The following CEMIP2 variants were observed in gnomAD, a reference collection of about 807,000 sequenced individuals.
CEMIP2 encodes the protein cell migration inducing hyaluronidase 2, also known as cell surface hyaluronidase CEMIP2.
CEMIP2 carries 79 observed loss-of-function variants against 146.9 expected under a neutral mutation model. That is an observed-to-expected ratio of 0.54 (90% CI 0.45 to 0.65). The LOEUF (loss-of-function observed/expected upper bound fraction) is 0.65, where lower values mean the gene tolerates loss of function less well. Among genes scored for constraint, CEMIP2 ranks in the 30% least tolerant of loss-of-function variants. The pLI is 0.00. For missense variants in CEMIP2, 1,596 were observed against 1,696.2 expected, an observed-to-expected ratio of 0.94 and a Z score of 1.04; for synonymous variants, 601 against 606.3, an observed-to-expected ratio of 0.99 and a Z score of 0.13.
rs541735964 is a variant in CEMIP2 at position 71,765,190 on chromosome 9, C to T, written c.-13+3167G>A. Among the ~76,000 whole-genome samples the T allele has an allele frequency of 3.9e-5, 6 of 152,252 alleles. No homozygotes were observed. The South Asian group carries it at 1.0e-3, about 26-fold the overall frequency. On this transcript the variant is annotated intron_variant, in intron 1 of 23. Transcript: ENST00000377044. ...AGTAACTAGCTTAAAAGTCTAAAGACTTGCTCTCAAGATGGGATTCAGATC... is the reference window on the plus strand; with the variant it reads ...AGTAACTAGCTTAAAAGTCTAAAGATTTGCTCTCAAGATGGGATTCAGATC...
chr9:71,709,730 G>A (rs1314325267), intron 16 of CEMIP2, among the ~76,000 whole-genome samples: 1 of 152,108 alleles, frequency 6.6e-6, no homozygotes. Context: ...ATCGTTATTT[G>A]TATTCTTCTT....
chr9:71,717,670 C>G (rs952036864), intron 13 of CEMIP2, among the ~76,000 whole-genome samples: 1 of 152,142 alleles, frequency 6.6e-6, no homozygotes, highest in Non-Finnish European at 1.5e-5. Context: ...ATAGACCATG[C>G]TTGTTATATA....
chr9:71,730,334 T>C (rs1035458842), intron 8 of CEMIP2, 81 bp from the exon 9 acceptor site: 4 of 1,388,934 alleles, frequency 2.9e-6, no homozygotes, highest in African/African-American at 1.4e-5. Flanking sequence ...CAGTGTAGCA[T>C]GTTCAGTACA....
At chr9:71,730,424 T>C (rs1227323271) in intron 8 of CEMIP2, among the ~76,000 whole-genome samples, 171 bp from the exon 9 acceptor site, 1 of 152,114 alleles carries the variant, frequency 6.6e-6, no homozygotes, top group Non-Finnish European at 1.5e-5. Context: ...GGGGATAATC[T>C]GCTTGGGTCC....
At chr9:71,709,174 C>T in intron 17 of CEMIP2, 85 bp downstream of exon 17, 2 of 1,271,288 alleles carry the variant, frequency 1.6e-6, no homozygotes, top group Non-Finnish European at 2.3e-6. Flanking sequence ...GTCAATCACA[C>T]TGAAAAGCTG....
At chr9:71,704,000 A>G (rs772359558) in intron 18 of CEMIP2, among the ~76,000 whole-genome samples, 2 of 152,210 alleles carry the variant, frequency 1.3e-5, no homozygotes, top group Non-Finnish European at 2.9e-5. Flanking sequence ...TACTTCTCTC[A>G]TTCACCTTTA....
chr9:71,707,796 TCA>T (rs1822793777), intron 17 of CEMIP2, among the ~76,000 whole-genome samples: 1 of 152,222 alleles, frequency 6.6e-6, no homozygotes, highest in Non-Finnish European at 1.5e-5. Context: ...TTTAGGGCTA[TCA>T]CAGCCCAATT....
intron 17 of CEMIP2, among the ~76,000 whole-genome samples, chr9:71,705,688 GT>G (rs112877233): frequency 0.16 from 23,991 of 150,396 alleles, 2,674 homozygotes; most frequent in African/African-American, 0.31. Flanking sequence ...ACTATTGATT[GT>G]CTTCATTTAA....
rs75987028 is a variant in CEMIP2, at chr9:71,721,796, C to T, written c.2267+631G>A. ...TATGACTTTAAGTCACCATCTTTTCCAGAAAAGTTTATTTTCATCTGGGAC... is the reference window on the plus strand; with the variant it reads ...TATGACTTTAAGTCACCATCTTTTCTAGAAAAGTTTATTTTCATCTGGGAC... On this transcript the variant is annotated intron_variant, in intron 12 of 23. Coordinates refer to ENST00000377044, the MANE Select transcript of CEMIP2 (RefSeq NM_013390.3). 3.1e-3 allele frequency among the ~76,000 whole-genome samples: 468 copies of T among 152,252 alleles called. 1 individual carries two copies. The highest frequency in any genetic ancestry group is 0.011 in the African/African-American group (445 of 41,546).
chr9:71,719,606 T>C (rs1823171561), intron 12 of CEMIP2, among the ~76,000 whole-genome samples: 1 of 152,044 alleles, frequency 6.6e-6, no homozygotes, highest in Non-Finnish European at 1.5e-5. Flanking sequence ...CAGATGCATG[T>C]GTGGTATAAA....
At chr9:71,725,946 T>C (rs886345677) in intron 10 of CEMIP2, among the ~76,000 whole-genome samples, 1 of 152,176 alleles carries the variant, frequency 6.6e-6, no homozygotes, top group Non-Finnish European at 1.5e-5. Context: ...AGAGAAATAA[T>C]TGGCTGGTAT....
chr9:71,688,603 G>C (rs1822139955), intron 22 of CEMIP2, among the ~76,000 whole-genome samples: 1 of 151,896 alleles, frequency 6.6e-6, no homozygotes, highest in African/African-American at 2.4e-5. Context: ...GGCCAGGCTG[G>C]TCTCGAACTC....
upstream of CEMIP2, chr9:71,768,634 C>G (rs1432052950): frequency 6.6e-6 from 1 of 152,272 alleles, no homozygotes; most frequent in Non-Finnish European, 1.5e-5. Context: ...GGGCAGGGGC[C>G]TCGGCTCGCT....
chr9:71,699,378 C>G (rs978020345), intron 19 of CEMIP2: 2 of 437,140 alleles, frequency 4.6e-6, no homozygotes, highest in Non-Finnish European at 9.2e-6. Context: ...CCCAGGAGAT[C>G]AAGGCTGTAG....
chr9:71,725,541 G>C, intron 11 of CEMIP2, 40 bp downstream of exon 11: 2 of 1,602,148 alleles, frequency 1.2e-6, no homozygotes, highest in Non-Finnish European at 1.7e-6. Context: ...CCTTTACACT[G>C]TCTAGCATAT....
intron 17 of CEMIP2, among the ~76,000 whole-genome samples, chr9:71,706,097 C>T (rs994893172): frequency 1.3e-5 from 2 of 151,724 alleles, no homozygotes; most frequent in African/African-American, 2.4e-5. Flanking sequence ...GGTGTGGTGG[C>T]GGGTGCCTGT....
At position 71,698,172 on chromosome 9, in the gene CEMIP2, T is replaced by C. The variant is rs563929028; in HGVS notation, c.3410A>G (p.His1137Arg). Residue 1137 changes from histidine to arginine, a missense_variant, in exon 20 of 24, where the codon CAC becomes CGC. Physicochemically the swap from His to Arg is conservative, Grantham distance 29. Coordinates refer to ENST00000377044, the MANE Select transcript of CEMIP2 (RefSeq NM_013390.3). ...TGAACAGTAACTGTGGCCATGCCTG[T>C]GGCTTTTGGCTTTGAGATACAAAAA... ...LLFLYLKAKS[H>R]RHGHSYCSSQ... 6.2e-7 allele frequency: 1 copy of C among 1,614,218 alleles called. No homozygotes were observed. Among genetic ancestry groups the C allele is most frequent in the East Asian group, 2.2e-5 (1 of 44,878 alleles).
At chr9:71,690,033 T>A in intron 22 of CEMIP2, 59 bp downstream of exon 22, 1 of 1,586,466 alleles carries the variant, frequency 6.3e-7, no homozygotes, top group South Asian at 1.1e-5. Flanking sequence ...CATTATCAGT[T>A]TGGAGCACTC....
chr9:71,717,282 A>C (rs1823085483), intron 13 of CEMIP2, among the ~76,000 whole-genome samples: 1 of 152,198 alleles, frequency 6.6e-6, no homozygotes, highest in Non-Finnish European at 1.5e-5. Context: ...AAACAACTAG[A>C]CTGTGGTATA....
Sources: gnomAD v4.1 joint callset for allele counts (sites outside exome capture counted in the v4.1 genomes callset) on GRCh38, gnomAD v4.1.1 for gene constraint, MANE v1.5 for transcripts, NCBI Gene and HGNC (gene_info 2026-07-23, HGNC 2026-07-21) for gene names.